MYO1B: variants seen among roughly 807,000 people sequenced by gnomAD.
MYO1B encodes unconventional myosin-Ib.
In MYO1B, 72 loss-of-function variants were observed where a neutral mutation model predicts 159.7. The ratio of observed to expected loss-of-function variants is 0.45; its 90% confidence interval spans 0.37 to 0.55. The LOEUF is 0.55. Ranked by LOEUF, MYO1B falls within the 20% of genes least tolerant of loss-of-function variation. The pLI is 0.00. For synonymous variants in MYO1B, 468 were observed against 473.8 expected (o/e 0.99, Z 0.16); for missense variants, 1,062 against 1,364.8 (o/e 0.78, Z 3.50).
Position 191,412,131 on chromosome 2 carries a change from A to G in MYO1B, c.2873+959A>G, listed in dbSNP as rs73057305. ...ACTTCATTGGTTAGCTGATGTGGCT[A>G]CTTGAGGTGATACATACTCCCTTAA... On this transcript the variant is annotated intron_variant, in intron 27 of 30. Coordinates refer to ENST00000392318, the MANE Select transcript of MYO1B (RefSeq NM_001130158.3). 6.7e-3 allele frequency among the ~76,000 whole-genome samples: 1,019 copies of G among 152,352 alleles called. 8 individuals carry two copies. The highest frequency in any genetic ancestry group is 0.023 in the African/African-American group (955 of 41,582).
At chr2:191,349,435 C>G (rs959637644) in intron 6 of MYO1B, among the ~76,000 whole-genome samples, 13 of 152,164 alleles carry the variant, frequency 8.5e-5, no homozygotes, top group African/African-American at 3.1e-4. Flanking sequence ...CTTATTAGAT[C>G]AACACACACT....
At chr2:191,297,141 C>T (rs1202844978) in intron 3 of MYO1B, among the ~76,000 whole-genome samples, 5 of 112,530 alleles carry the variant, frequency 4.4e-5, no homozygotes, top group African/African-American at 1.4e-4. Flanking sequence ...ATGTCCACTA[C>T]TGAGTTTAAA....
chr2:191,360,756 G>GTTGTTA, intron 8 of MYO1B, 27 bp downstream of exon 8: 2 of 1,127,914 alleles, frequency 1.8e-6, no homozygotes, highest in East Asian at 4.9e-5. Context: ...ATGTGGTGTT[G>GTTGTTA]TTGTTGTTGT....
At chr2:191,290,977 A>T (rs1181860684) in intron 2 of MYO1B, among the ~76,000 whole-genome samples, 1 of 152,184 alleles carries the variant, frequency 6.6e-6, no homozygotes, top group African/African-American at 2.4e-5. Flanking sequence ...TTGGTTTTCA[A>T]CCCTGGTTCC....
At chr2:191,264,294 G>T (rs972462136) in intron 1 of MYO1B, among the ~76,000 whole-genome samples, 5 of 152,006 alleles carry the variant, frequency 3.3e-5, no homozygotes, top group Admixed American at 3.3e-4. Context: ...AAATATCTCT[G>T]CCTTTGTTTA....
In MYO1B at chr2:191,423,868, T is replaced by C. The variant is rs762620898; in HGVS notation, c.3319T>C (p.Cys1107Arg). Reference sequence around the variant, plus strand: ...GGTACAGTTCAGACAGGACAAAGTATGTGTGAAGTTTATTCAGGGAAACCA... The same window carrying C: ...GGTACAGTTCAGACAGGACAAAGTACGTGTGAAGTTTATTCAGGGAAACCA... ...FLVQFRQDKV[C>R]VKFIQGNQKN... is the part of the protein sequence containing the mutation. The change falls in exon 31 of 31, where the codon TGT (cysteine) becomes CGT (arginine). Residue 1107 changes from cysteine (C) to arginine (R), a missense_variant. Cys to Arg is a radical substitution (Grantham distance 180, BLOSUM62 -3). Transcript: ENST00000392318. 7.4e-6 allele frequency: 12 copies of C among 1,613,914 alleles called. No homozygotes were observed. In the Admixed American group the frequency reaches 1.0e-4, roughly 13 times the overall value.
intron 3 of MYO1B, among the ~76,000 whole-genome samples, chr2:191,311,555 C>G (rs1217706188): frequency 2.6e-5 from 4 of 152,154 alleles, no homozygotes; most frequent in Admixed American, 6.5e-5. Flanking sequence ...CCCTACCTCA[C>G]GTTTGGCCAT....
At chr2:191,366,112 G>A (rs1322555940) in intron 11 of MYO1B, among the ~76,000 whole-genome samples, 2 of 152,300 alleles carry the variant, frequency 1.3e-5, no homozygotes, top group South Asian at 4.2e-4. Flanking sequence ...GCCAGAGTGG[G>A]AATTGTTAAG....
At chr2:191,282,390 T>C (rs559317656) in intron 2 of MYO1B, among the ~76,000 whole-genome samples, 34 of 152,296 alleles carry the variant, frequency 2.2e-4, no homozygotes, top group Middle Eastern at 3.4e-3. Context: ...GTGGTGGTGG[T>C]GGAGAGCAGG....
chr2:191,351,591 A>G (rs554455801), intron 7 of MYO1B, among the ~76,000 whole-genome samples: 2 of 152,332 alleles, frequency 1.3e-5, no homozygotes, highest in South Asian at 2.1e-4. Flanking sequence ...TAGTTCTTAA[A>G]TAATTTAACT....
intron 13 of MYO1B, among the ~76,000 whole-genome samples, chr2:191,370,502 AGTGTGT>A (rs58911860): frequency 1.4e-5 from 2 of 148,112 alleles, no homozygotes; most frequent in African/African-American, 2.4e-5. Context: ...TGTGTGCCTG[AGTGTGT>A]GTGTGTGTGT....
At chr2:191,323,774 A>T (rs527553805) in intron 3 of MYO1B, among the ~76,000 whole-genome samples, 3 of 152,238 alleles carry the variant, frequency 2.0e-5, no homozygotes, top group African/African-American at 7.2e-5. Flanking sequence ...ACTTATCTTG[A>T]TGATATTATT....
chr2:191,382,779 C>T (rs1214693338), intron 14 of MYO1B, among the ~76,000 whole-genome samples: 6 of 151,990 alleles, frequency 3.9e-5, no homozygotes, highest in African/African-American at 9.7e-5. Context: ...TTTGTGGTAG[C>T]GCTGGCCTGT....
At chr2:191,372,102 C>A (rs1305290954) in intron 13 of MYO1B, among the ~76,000 whole-genome samples, 3 of 152,238 alleles carry the variant, frequency 2.0e-5, no homozygotes, top group Non-Finnish European at 4.4e-5. Context: ...TACTACCTAG[C>A]ACATTGCTGT....
chr2:191,397,210 T>A (rs1372256267), intron 21 of MYO1B, among the ~76,000 whole-genome samples: 1 of 149,588 alleles, frequency 6.7e-6, no homozygotes, highest in Non-Finnish European at 1.5e-5. Context: ...TATTTTTTTT[T>A]AATTGACCAT....
chr2:191,332,005 C>T (rs997939098), intron 4 of MYO1B, among the ~76,000 whole-genome samples: 1 of 152,234 alleles, frequency 6.6e-6, no homozygotes, highest in Non-Finnish European at 1.5e-5. Flanking sequence ...TCTTATAGCC[C>T]TGGCTGGAGT....
chr2:191,274,469 TCC>T (rs1687634384), intron 1 of MYO1B, among the ~76,000 whole-genome samples: 1 of 152,196 alleles, frequency 6.6e-6, no homozygotes, highest in Non-Finnish European at 1.5e-5. Flanking sequence ...TATACAGGAA[TCC>T]ACCCCAGGGC....
intron 1 of MYO1B, 55 bp from the exon 2 acceptor site, chr2:191,276,832 C>A: frequency 6.4e-7 from 1 of 1,554,114 alleles, no homozygotes; most frequent in Non-Finnish European, 8.7e-7. Context: ...GTGCCAAGAA[C>A]CTATTTGAAA....
At chr2:191,390,134 T>C (rs1695655028) in intron 17 of MYO1B, among the ~76,000 whole-genome samples, 158 bp from the exon 18 acceptor site, 1 of 152,146 alleles carries the variant, frequency 6.6e-6, no homozygotes, top group Admixed American at 6.5e-5. Context: ...TAGGTGGTTA[T>C]AAAATGATTT....
Sources: allele counts gnomAD v4.1 joint callset (sites outside exome capture counted in the v4.1 genomes callset), GRCh38; gene constraint gnomAD v4.1.1; transcripts MANE v1.5; gene names NCBI Gene and HGNC (gene_info 2026-07-23, HGNC 2026-07-21).